Variants in CLVS1 observed in about 807,000 individuals in gnomAD.
The protein encoded by CLVS1 is clavesin-1.
In CLVS1, 10 loss-of-function variants were observed where a neutral mutation model predicts 33.1. The ratio of observed to expected loss-of-function variants is 0.30; its 90% CI spans 0.19 to 0.51. The LOEUF (loss-of-function observed/expected upper bound fraction) is 0.51. Among genes scored for constraint, CLVS1 ranks in the 20% least tolerant of loss-of-function variants. The pLI, the probability that CLVS1 is intolerant of heterozygous loss-of-function variation, is 0.97. For synonymous variants in CLVS1, 163 were observed against 166.1 expected, an observed-to-expected ratio of 0.98 and a Z score of 0.14; for missense variants, 343 against 433.4, an observed-to-expected ratio of 0.79 and a Z score of 1.85.
chr8:61,158,617 C>T (rs2129296213), intron 2 of CLVS1, among the ~76,000 whole-genome samples: 1 of 152,074 alleles, frequency 6.6e-6, no homozygotes, highest in South Asian at 2.1e-4. Flanking sequence ...AAGCAGCTCT[C>T]ACAGGCTTAA....
intron 3 of CLVS1, among the ~76,000 whole-genome samples, chr8:61,380,440 A>G (rs1027947524): frequency 1.3e-5 from 2 of 152,168 alleles, no homozygotes; most frequent in African/African-American, 2.4e-5. Context: ...TTAATCGTGT[A>G]TGTATTATAA....
the CLVS1 span, among the ~76,000 whole-genome samples, chr8:61,048,983 G>A: frequency 3.3e-5 from 5 of 152,228 alleles, no homozygotes; most frequent in African/African-American, 1.2e-4. Context: ...AAATACCCTG[G>A]TGAATGGAGC....
intron 2 of CLVS1, chr8:61,202,286 C>T: frequency 1.6e-6 from 1 of 611,048 alleles, no homozygotes. Context: ...TGTGGCTGTT[C>T]TCTGGAGCAG....
At chr8:61,100,360 T>TAAAGC (rs1285011826) in intron 1 of CLVS1, among the ~76,000 whole-genome samples, 3 of 152,166 alleles carry the variant, frequency 2.0e-5, no homozygotes, top group Non-Finnish European at 2.9e-5. Flanking sequence ...GTGGTCTAAA[T>TAAAGC]TAGTGAATAA....
chr8:61,066,916 A>C (rs1804692821), intron 1 of CLVS1, among the ~76,000 whole-genome samples: 1 of 152,134 alleles, frequency 6.6e-6, no homozygotes. Flanking sequence ...GGTGCCACAC[A>C]CGGCTGTCAT....
chr8:61,432,581 C>G (rs545253633), intron 3 of CLVS1, among the ~76,000 whole-genome samples: 2 of 152,180 alleles, frequency 1.3e-5, no homozygotes, highest in African/African-American at 4.8e-5. Flanking sequence ...CTGCCTCTGC[C>G]TTGGTCTTGA....
chr8:61,329,853 A>G (rs1276244458), intron 2 of CLVS1, among the ~76,000 whole-genome samples: 3 of 152,154 alleles, frequency 2.0e-5, no homozygotes, highest in Non-Finnish European at 4.4e-5. Flanking sequence ...TAATTGCTTT[A>G]ATAAGAATTT....
intron 2 of CLVS1, among the ~76,000 whole-genome samples, chr8:61,278,587 T>C (rs1809607680): frequency 6.6e-6 from 1 of 152,252 alleles, no homozygotes; most frequent in African/African-American, 2.4e-5. Flanking sequence ...AACACAAACT[T>C]ATTTGGTTAT....
chr8:61,147,898 G>A (rs1274047658), intron 2 of CLVS1, among the ~76,000 whole-genome samples: 3 of 152,208 alleles, frequency 2.0e-5, no homozygotes, highest in African/African-American at 7.2e-5. Context: ...CCCCTGAGGG[G>A]TCTTGGAGCA....
chr8:61,440,586 G>A (rs1816502428), intron 3 of CLVS1, among the ~76,000 whole-genome samples: 1 of 152,194 alleles, frequency 6.6e-6, no homozygotes, highest in South Asian at 2.1e-4. Flanking sequence ...GGACAATTAG[G>A]GAATATTGTT....
chr8:61,302,867 C>CA (rs1230471095), intron 2 of CLVS1, among the ~76,000 whole-genome samples: 5 of 152,176 alleles, frequency 3.3e-5, no homozygotes, highest in African/African-American at 1.2e-4. Context: ...GGCACATCTT[C>CA]ACATAGTGGA....
chr8:61,162,002 A>ACC (rs1314126561), intron 2 of CLVS1, among the ~76,000 whole-genome samples: 16 of 152,274 alleles, frequency 1.1e-4, no homozygotes, highest in East Asian at 3.9e-4. Context: ...ACAAAAAAAA[A>ACC]AAACGTAGTG....
At chr8:61,346,649 T>A (rs73682268) in intron 2 of CLVS1, among the ~76,000 whole-genome samples, 6,921 of 152,196 alleles carry the variant, frequency 0.045, 335 homozygotes, top group African/African-American at 0.12. Context: ...TAGTTTTGAC[T>A]TTTTTCCCCC....
intron 2 of CLVS1, among the ~76,000 whole-genome samples, chr8:61,166,901 A>G (rs1003352836): frequency 3.4e-5 from 5 of 145,266 alleles, no homozygotes; most frequent in Non-Finnish European, 7.6e-5. Flanking sequence ...TTTTTTCTTT[A>G]AGAACTTTCT....
chr8:61,184,754 G>A (rs536876710), intron 2 of CLVS1, among the ~76,000 whole-genome samples: 2 of 152,278 alleles, frequency 1.3e-5, no homozygotes, highest in South Asian at 4.2e-4. Context: ...CACAGCTGGG[G>A]TATACAAAAT....
intron 2 of CLVS1, among the ~76,000 whole-genome samples, chr8:61,151,977 G>A (rs1253346140): frequency 2.0e-5 from 3 of 152,136 alleles, no homozygotes; most frequent in Admixed American, 6.5e-5. Flanking sequence ...CACCTGCTGG[G>A]CATGCCATGG....
the CLVS1 span, among the ~76,000 whole-genome samples, chr8:61,021,413 C>T: frequency 1.3e-4 from 20 of 152,098 alleles, no homozygotes; most frequent in Admixed American, 3.3e-4. Flanking sequence ...TGCAATGGCG[C>T]GATCTCAGTT....
At chr8:61,289,675 G>T (rs1004563790) in intron 1 of CLVS1, among the ~76,000 whole-genome samples, 1 of 152,146 alleles carries the variant, frequency 6.6e-6, no homozygotes, top group Non-Finnish European at 1.5e-5. Context: ...TATTTATTCT[G>T]CCTCTTAAAG....
intron 2 of CLVS1, among the ~76,000 whole-genome samples, chr8:61,170,738 T>A (rs1170840779): frequency 6.6e-6 from 1 of 152,216 alleles, no homozygotes; most frequent in Non-Finnish European, 1.5e-5. Context: ...TAGCACCATA[T>A]TTGATAATAG....
Sources: gnomAD v4.1 joint callset for allele counts (sites outside exome capture counted in the v4.1 genomes callset) on GRCh38, gnomAD v4.1.1 for gene constraint, MANE v1.5 for transcripts, NCBI Gene and HGNC (gene_info 2026-07-23, HGNC 2026-07-21) for gene names.